EPHA6: variants seen among roughly 807,000 people sequenced by gnomAD.
The protein encoded by EPHA6 is EPH receptor A6.
A neutral mutation model predicts 112.0 loss-of-function variants in EPHA6; 50 were observed. The ratio of observed to expected loss-of-function variants is 0.45; its 90% CI spans 0.36 to 0.56. EPHA6 has a LOEUF of 0.56. Among genes scored for constraint, EPHA6 ranks in the 20% least tolerant of loss-of-function variants. EPHA6 has a pLI of 0.00. For missense variants in EPHA6, 1,280 were observed against 1,417.4 expected, an observed-to-expected ratio of 0.90 and a Z score of 1.56; for synonymous variants, 529 against 490.7, an observed-to-expected ratio of 1.08 and a Z score of -1.03.
At chr3:96,937,393 C>G (rs1414175973) in intron 2 of EPHA6, among the ~76,000 whole-genome samples, 3 of 152,096 alleles carry the variant, frequency 2.0e-5, no homozygotes, top group Non-Finnish European at 4.4e-5. Context: ...TTTTTGGCTG[C>G]ATAAATGTCT....
At chr3:97,610,036 T>G (rs2093706618) in intron 12 of EPHA6, among the ~76,000 whole-genome samples, 1 of 151,560 alleles carries the variant, frequency 6.6e-6, no homozygotes, top group South Asian at 2.1e-4. Flanking sequence ...AGAGGTGTAT[T>G]GGGAACTATA....
intron 14 of EPHA6, among the ~76,000 whole-genome samples, chr3:97,677,341 G>C (rs2031478341): frequency 6.6e-6 from 1 of 152,030 alleles, no homozygotes; most frequent in African/African-American, 2.4e-5. Context: ...TAATGTGCTT[G>C]CTAGAAAATT....
intron 5 of EPHA6, among the ~76,000 whole-genome samples, chr3:97,362,212 C>T (rs1449304076): frequency 6.6e-6 from 1 of 151,982 alleles, no homozygotes; most frequent in African/African-American, 2.4e-5. Flanking sequence ...TCACAGAAGT[C>T]AATGGCCCTA....
At chr3:97,464,624 A>G (rs982317715) in intron 7 of EPHA6, among the ~76,000 whole-genome samples, 2 of 152,058 alleles carry the variant, frequency 1.3e-5, no homozygotes, top group Non-Finnish European at 1.5e-5. Flanking sequence ...TTGAGAGTTC[A>G]GAGTCCCCCA....
At chr3:97,421,275 A>T (rs2088608352) in intron 6 of EPHA6, among the ~76,000 whole-genome samples, 1 of 152,078 alleles carries the variant, frequency 6.6e-6, no homozygotes, top group Admixed American at 6.5e-5. Flanking sequence ...TTACATAAAA[A>T]TTTTTCCCGA....
Position 97,753,913 on chromosome 3 carries a change from A to G in EPHA6, c.*5212A>G, listed in dbSNP as rs761090692. Among the ~76,000 whole-genome samples the G allele has an allele frequency of 2.0e-5, 3 of 152,094 alleles. No individual in the cohort carries two copies. The highest frequency in any genetic ancestry group is 4.4e-5 in the Non-Finnish European group (3 of 68,006). On this transcript the variant is annotated 3_prime_UTR_variant, in exon 18 of 18. Coordinates refer to ENST00000389672, the MANE Select transcript of EPHA6 (RefSeq NM_001080448.3). The stretch of plus-strand genomic sequence containing the variant: ...AGGATAAAAATTAACTTTTTTTGTT[A>G]TAAGTGGATGTGGCATAATGTACAT...
intron 14 of EPHA6, among the ~76,000 whole-genome samples, chr3:97,657,369 G>T (rs370317032): frequency 6.6e-6 from 1 of 151,862 alleles, no homozygotes. Context: ...AAGAAGTCAA[G>T]GAATAAACTA....
intron 10 of EPHA6, among the ~76,000 whole-genome samples, chr3:97,530,042 T>G (rs2092678200): frequency 6.6e-6 from 1 of 152,016 alleles, no homozygotes; most frequent in Non-Finnish European, 1.5e-5. Context: ...TTTTAAAATA[T>G]TACTGGATTT....
chr3:97,662,910 C>A (rs189430715), intron 14 of EPHA6, among the ~76,000 whole-genome samples: 1 of 152,276 alleles, frequency 6.6e-6, no homozygotes, highest in Non-Finnish European at 1.5e-5. Flanking sequence ...GCACTCAGGG[C>A]CTTGTCGAGG....
intron 3 of EPHA6, among the ~76,000 whole-genome samples, chr3:97,039,425 A>G (rs986087747): frequency 6.6e-6 from 1 of 152,082 alleles, no homozygotes; most frequent in African/African-American, 2.4e-5. Context: ...GGAGAGTGGT[A>G]GACACAAGCC....
intron 3 of EPHA6, among the ~76,000 whole-genome samples, chr3:97,148,378 A>G (rs541754386): frequency 6.6e-6 from 1 of 152,196 alleles, no homozygotes; most frequent in South Asian, 2.1e-4. Flanking sequence ...GAGGCTGAAG[A>G]GGGAGGATCA....
intron 6 of EPHA6, among the ~76,000 whole-genome samples, chr3:97,425,886 C>T (rs1255419644): frequency 6.6e-6 from 1 of 152,090 alleles, no homozygotes; most frequent in East Asian, 1.9e-4. Flanking sequence ...GGCAAAATGC[C>T]TCCAGTTTCT....
rs1447573282 is a variant in EPHA6 at position 97,492,991 on chromosome 3, TG to T, written c.2200+8933del. ...AGCTTTTCCTTTTTTTTTTTTTTTT[TG>T]ATGTGAATGTAACTCTAGCCCTGCT... On this transcript the variant is annotated intron_variant, in intron 10 of 17. Transcript: ENST00000389672. 3.4e-3 allele frequency among the ~76,000 whole-genome samples: 502 copies of T among 149,516 alleles called. 3 individuals carry two copies. The highest frequency in any genetic ancestry group is 0.012 in the African/African-American group (474 of 40,274).
rs184935114 is a variant in EPHA6, at chr3:96,815,024, G to C, written c.385+16G>C. ...AACAACCAAGGTAAGGGACGGGGCGGAGGAGCGGGAGTGGGTGGGAGGAGG... is the reference window on the plus strand; with the variant it reads ...AACAACCAAGGTAAGGGACGGGGCGCAGGAGCGGGAGTGGGTGGGAGGAGG... On this transcript the variant is annotated intron_variant, in intron 1 of 17. Coordinates refer to ENST00000389672, the MANE Select transcript of EPHA6 (RefSeq NM_001080448.3). 2,133 of 1,490,754 alleles carry C rather than the reference G, an allele frequency of 1.4e-3. 36 individuals carry two copies. In the African/African-American group the frequency reaches 0.024, roughly 17 times the overall value. 92.3% of individuals were successfully genotyped at this position (1,490,754 alleles called of 1,614,324 possible). A position where few individuals can be genotyped will look rare whatever the true frequency, so the allele number is the denominator to read the frequency against.
chr3:97,741,697 T>C (rs1055569512), intron 16 of EPHA6, among the ~76,000 whole-genome samples: 4 of 152,080 alleles, frequency 2.6e-5, no homozygotes, highest in African/African-American at 9.7e-5. Context: ...GTATACAACA[T>C]AGAATCACAC....
chr3:96,984,364 A>C (rs2042934600), intron 2 of EPHA6, among the ~76,000 whole-genome samples: 1 of 152,166 alleles, frequency 6.6e-6, no homozygotes, highest in Admixed American at 6.5e-5. Context: ...GCTGCAGAAC[A>C]CCGAATATTG....
chr3:97,043,053 C>G (rs1576377950), intron 3 of EPHA6, among the ~76,000 whole-genome samples: 1 of 152,102 alleles, frequency 6.6e-6, no homozygotes, highest in Non-Finnish European at 1.5e-5. Flanking sequence ...ATTCTCTGAT[C>G]TTGTATTTTA....
rs188035218 is a variant in EPHA6, at chr3:97,499,203, T to C, written c.2200+15144T>C. The stretch of plus-strand genomic sequence containing the variant: ...GCAATGATTTTTACCTGATTCTGTT[T>C]TTTAATTATGAATTAAACGTTACTT... On this transcript the variant is annotated intron_variant, in intron 10 of 17. Transcript: ENST00000389672. Among the ~76,000 whole-genome samples the C allele has an allele frequency of 7.3e-3, 1,094 of 150,346 alleles. 6 individuals carry two copies. Among genetic ancestry groups the C allele is most frequent in the Middle Eastern group, 0.014 (4 of 290 alleles).
chr3:97,631,078 G>A, intron 13 of EPHA6, among the ~76,000 whole-genome samples: 1 of 151,862 alleles, frequency 6.6e-6, no homozygotes, highest in East Asian at 1.9e-4. Context: ...TCCTCCAGAT[G>A]ATTTTTCATC....
Sources: gnomAD v4.1 joint callset for allele counts (sites outside exome capture counted in the v4.1 genomes callset) on GRCh38, gnomAD v4.1.1 for gene constraint, MANE v1.5 for transcripts, NCBI Gene and HGNC (gene_info 2026-07-23, HGNC 2026-07-21) for gene names.